Variants in GRIK2 observed in about 807,000 individuals in gnomAD.
The protein encoded by GRIK2 is glutamate receptor ionotropic, kainate 2.
GRIK2 carries 32 observed loss-of-function variants against 100.3 expected under a neutral mutation model. The ratio of observed to expected loss-of-function variants is 0.32; its 90% CI spans 0.24 to 0.43. GRIK2 has a LOEUF of 0.43. GRIK2 is among the 20% of genes least tolerant of loss of function. The pLI is 1.00. For synonymous variants in GRIK2, 417 were observed against 389.4 expected, an observed-to-expected ratio of 1.07 and a Z score of -0.83; for missense variants, 843 against 1,114.9, an observed-to-expected ratio of 0.76 and a Z score of 3.47.
intron 4 of GRIK2, among the ~76,000 whole-genome samples, chr6:101,634,129 T>A (rs1026091896): frequency 6.6e-6 from 1 of 152,114 alleles, no homozygotes; most frequent in African/African-American, 2.4e-5. Flanking sequence ...AGGGCAACAC[T>A]GGAAGCAGGG....
chr6:101,592,121 A>C (rs556456053), intron 2 of GRIK2, among the ~76,000 whole-genome samples: 1 of 152,124 alleles, frequency 6.6e-6, no homozygotes, highest in East Asian at 1.9e-4. Flanking sequence ...TGCCCTCACT[A>C]GGAGCAGATG....
chr6:101,570,930 G>A (rs1242788630), intron 2 of GRIK2, among the ~76,000 whole-genome samples: 1 of 152,136 alleles, frequency 6.6e-6, no homozygotes, highest in Non-Finnish European at 1.5e-5. Flanking sequence ...CAAGTCTACT[G>A]TGGTCTGTTG....
chr6:101,405,735 A>T lies in GRIK2; in HGVS notation c.115+6343A>T, dbSNP rs139147592. ...CACTGCTTAACATTGGGAACATTGA[A>T]GTACAATCAGTCCCAAGGTGAAAGT... is the stretch of plus-strand genomic sequence containing the variant. On this transcript the variant is annotated intron_variant, in intron 2 of 16. Transcript: ENST00000369134. 2.6e-5 allele frequency among the ~76,000 whole-genome samples: 4 copies of T among 152,342 alleles called. No individual in the cohort carries two copies. The East Asian group carries it at 7.7e-4, about 29-fold the overall frequency.
intron 2 of GRIK2, among the ~76,000 whole-genome samples, chr6:101,595,698 ATGTGTG>A (rs200462444): frequency 3.6e-4 from 49 of 136,642 alleles, no homozygotes; most frequent in African/African-American, 9.2e-4. Flanking sequence ...GTATATATAT[ATGTGTG>A]TGTGTGTGTG....
intron 2 of GRIK2, among the ~76,000 whole-genome samples, chr6:101,503,016 G>T (rs1278879500): frequency 6.6e-6 from 1 of 152,098 alleles, no homozygotes; most frequent in Admixed American, 6.6e-5. Context: ...TGGAGGTGGG[G>T]GTTATGTGCT....
At chr6:101,423,635 A>G (rs1196055301) in intron 2 of GRIK2, among the ~76,000 whole-genome samples, 7 of 152,116 alleles carry the variant, frequency 4.6e-5, no homozygotes, top group Admixed American at 1.3e-4. Flanking sequence ...CCAACTTTAA[A>G]ATCAGGTTAT....
intron 14 of GRIK2, among the ~76,000 whole-genome samples, chr6:101,956,343 C>T (rs1247173266): frequency 6.6e-6 from 1 of 152,000 alleles, no homozygotes; most frequent in Admixed American, 6.6e-5. Context: ...ATATTGTTAC[C>T]TTAACAATAT....
intron 2 of GRIK2, among the ~76,000 whole-genome samples, chr6:101,560,861 T>C (rs557834725): frequency 6.6e-6 from 1 of 152,330 alleles, no homozygotes; most frequent in African/African-American, 2.4e-5. Flanking sequence ...TTTCTCATCA[T>C]CACTGTGCTA....
chr6:101,539,845 G>T (rs1325890039), intron 2 of GRIK2, among the ~76,000 whole-genome samples: 1 of 151,644 alleles, frequency 6.6e-6, no homozygotes, highest in Non-Finnish European at 1.5e-5. Context: ...TTTTCAAAAA[G>T]TGGCAGCAAC....
At chr6:102,041,437 G>T (rs889376401) in intron 15 of GRIK2, among the ~76,000 whole-genome samples, 4 of 151,542 alleles carry the variant, frequency 2.6e-5, no homozygotes, top group Non-Finnish European at 5.9e-5. Flanking sequence ...AGATCAATGA[G>T]GAGTCACTCT....
At chr6:101,714,508 A>T (rs1773929190) in intron 7 of GRIK2, among the ~76,000 whole-genome samples, 3 of 151,788 alleles carry the variant, frequency 2.0e-5, no homozygotes, top group Admixed American at 2.0e-4. Context: ...AAATTCTTTT[A>T]AAATTCTGGT....
chr6:101,468,174 C>T (rs1016143488), intron 2 of GRIK2, among the ~76,000 whole-genome samples: 2 of 152,128 alleles, frequency 1.3e-5, no homozygotes, highest in South Asian at 4.1e-4. Flanking sequence ...CTCTTAGGAA[C>T]TTGCATGTGT....
At chr6:101,504,621 A>AT (rs1464768746) in intron 2 of GRIK2, among the ~76,000 whole-genome samples, 1 of 151,880 alleles carries the variant, frequency 6.6e-6, no homozygotes, top group African/African-American at 2.4e-5. Flanking sequence ...TATAAACTGA[A>AT]TCAGTAGTTG....
chr6:101,407,319 C>T (rs375470391), intron 2 of GRIK2, among the ~76,000 whole-genome samples: 2 of 152,150 alleles, frequency 1.3e-5, no homozygotes, highest in African/African-American at 2.4e-5. Context: ...AAGGTCCCCA[C>T]GTTTAGAGTC....
At chr6:101,992,943 C>A (rs1249540815) in intron 14 of GRIK2, among the ~76,000 whole-genome samples, 1 of 151,402 alleles carries the variant, frequency 6.6e-6, no homozygotes, top group Non-Finnish European at 1.5e-5. Context: ...CACAGAAGAG[C>A]AGTATGTGCA....
intron 16 of GRIK2, among the ~76,000 whole-genome samples, chr6:102,062,266 G>A (rs1771789935): frequency 6.7e-6 from 1 of 150,272 alleles, no homozygotes; most frequent in African/African-American, 2.4e-5. Context: ...TATTTCTTTT[G>A]CCCTCATAAT....
chr6:101,394,734 GT>G (rs1307614363), intron 1 of GRIK2, among the ~76,000 whole-genome samples: 1 of 152,032 alleles, frequency 6.6e-6, no homozygotes, highest in Non-Finnish European at 1.5e-5. Context: ...ATTTGTCTTA[GT>G]TCATTACTTT....
At chr6:102,009,292 T>C (rs971223191) in intron 14 of GRIK2, among the ~76,000 whole-genome samples, 1 of 152,138 alleles carries the variant, frequency 6.6e-6, no homozygotes, top group Admixed American at 6.5e-5. Context: ...TTACAATGAT[T>C]ATTTCTTGTT....
intron 14 of GRIK2, among the ~76,000 whole-genome samples, chr6:101,968,527 C>T (rs1401970601): frequency 1.3e-5 from 2 of 151,934 alleles, no homozygotes; most frequent in African/African-American, 4.8e-5. Flanking sequence ...CAGACAATCC[C>T]CGGAGAGTAT....
Sources: gnomAD v4.1 joint callset for allele counts (sites outside exome capture counted in the v4.1 genomes callset) on GRCh38, gnomAD v4.1.1 for gene constraint, MANE v1.5 for transcripts, NCBI Gene and HGNC (gene_info 2026-07-23, HGNC 2026-07-21) for gene names.